TOX: variants seen among roughly 807,000 people sequenced by gnomAD.
The protein encoded by TOX is thymocyte selection associated high mobility group box.
Under a neutral mutation model 53.7 loss-of-function variants are expected in TOX, and 11 were observed. The observed-to-expected ratio is 0.20, with a 90% CI of 0.13 to 0.34. The LOEUF (loss-of-function observed/expected upper bound fraction) is 0.34, where lower values mean the gene tolerates loss of function less well. TOX is among the 10% of genes least tolerant of loss of function. TOX has a pLI of 1.00. For synonymous variants in TOX, 225 were observed against 245.3 expected, an observed-to-expected ratio of 0.92 and a Z score of 0.77; for missense variants, 570 against 664.6, an observed-to-expected ratio of 0.86 and a Z score of 1.56.
At chr8:58,939,590 G>C in intron 2 of TOX, 46 bp from the exon 3 acceptor site, 1 of 1,562,616 alleles carries the variant, frequency 6.4e-7, no homozygotes, top group South Asian at 1.2e-5. Context: ...TCATCTTCTT[G>C]CTCTTCATCA....
At chr8:58,966,045 T>G (rs1412545040) in intron 1 of TOX, among the ~76,000 whole-genome samples, 2 of 152,056 alleles carry the variant, frequency 1.3e-5, no homozygotes, top group Non-Finnish European at 2.9e-5. Flanking sequence ...GCTGTTCACA[T>G]GCACAGTCAC....
At chr8:59,080,877 T>G (rs1332626189) in intron 1 of TOX, among the ~76,000 whole-genome samples, 2 of 152,184 alleles carry the variant, frequency 1.3e-5, no homozygotes, top group Non-Finnish European at 2.9e-5. Flanking sequence ...TCTTATAAAT[T>G]ACCCAGTCTC....
At chr8:59,021,481 A>AAAAAAAATATAT (rs59174995) in intron 1 of TOX, among the ~76,000 whole-genome samples, 2 of 64,740 alleles carry the variant, frequency 3.1e-5, no homozygotes, top group Non-Finnish European at 3.1e-5. Flanking sequence ...AAAAAAAAAA[A>AAAAAAAATATAT]ATATATATAT....
intron 1 of TOX, among the ~76,000 whole-genome samples, chr8:59,024,949 A>G (rs530770800): frequency 6.6e-5 from 10 of 152,200 alleles, no homozygotes; most frequent in Non-Finnish European, 1.2e-4. Context: ...AGTGTTTTTA[A>G]ATATCAACTA....
intron 1 of TOX, among the ~76,000 whole-genome samples, chr8:59,066,288 C>T (rs955538251): frequency 6.6e-6 from 1 of 152,174 alleles, no homozygotes; most frequent in Non-Finnish European, 1.5e-5. Context: ...AAAGGCTTGA[C>T]AAGTAGGAAG....
rs1023078814 is a variant in TOX, at chr8:59,003,825, T to A, written c.103-43817A>T. On this transcript the variant is annotated intron_variant, in intron 1 of 8. Transcript: ENST00000361421. ...TCTGGGATGAAATGCAAACATTTTT[T>A]AATTTGTTTAAGCACAAACATGGTC... Among the ~76,000 whole-genome samples, 8 of 152,236 alleles carry A rather than the reference T, an allele frequency of 5.3e-5. 1 individual carries two copies. Among genetic ancestry groups the A allele is most frequent in the Admixed American group, 3.9e-4 (6 of 15,288 alleles).
intron 3 of TOX, among the ~76,000 whole-genome samples, chr8:58,865,102 G>A (rs1811074568): frequency 6.6e-6 from 1 of 152,128 alleles, no homozygotes; most frequent in Admixed American, 6.5e-5. Context: ...GAAGGTGGTG[G>A]ATGGGTGAGA....
rs552387097 is a variant in TOX, at chr8:59,054,977, G to A, written c.102+63909C>T. On this transcript the variant is annotated intron_variant, in intron 1 of 8. Coordinates refer to ENST00000361421, the MANE Select transcript of TOX (RefSeq NM_014729.3). ...AGGAGGGAGGGAGGAAGGAAGGGAC[G>A]GAGGGAGGGAGGGAGGGAAAGGAAA... Among the ~76,000 whole-genome samples, 20 of 128,698 alleles carry A rather than the reference G, an allele frequency of 1.6e-4. No individual in the cohort carries two copies. In the East Asian group the frequency reaches 2.6e-3, roughly 17 times the overall value. 84.4% of individuals were successfully genotyped at this position (128,698 alleles called of 152,430 possible).
intron 7 of TOX, among the ~76,000 whole-genome samples, chr8:58,810,629 A>G (rs772879730): frequency 3.9e-5 from 6 of 152,148 alleles, no homozygotes; most frequent in Non-Finnish European, 7.4e-5. Context: ...CTGGGATTAC[A>G]CGAGTGAGCT....
In TOX at chr8:59,035,177, T is replaced by A. The variant is rs114753627; in HGVS notation, c.103-75169A>T. Among the ~76,000 whole-genome samples the A allele has an allele frequency of 3.6e-3, 554 of 152,296 alleles. 6 individuals carry two copies. The highest frequency in any genetic ancestry group is 0.013 in the African/African-American group (531 of 41,550). ...TACTCTGGTACTAAATTTGTCTAAC[T>A]AGATTTCAGCTGGAAAAAATACTAA... On this transcript the variant is annotated intron_variant, in intron 1 of 8. Coordinates refer to ENST00000361421, the MANE Select transcript of TOX (RefSeq NM_014729.3).
intron 2 of TOX, among the ~76,000 whole-genome samples, chr8:58,947,167 C>T (rs1812536769): frequency 6.6e-6 from 1 of 152,006 alleles, no homozygotes; most frequent in Non-Finnish European, 1.5e-5. Flanking sequence ...TTATTCTTCT[C>T]TAAAAACATT....
intron 1 of TOX, among the ~76,000 whole-genome samples, chr8:59,059,831 G>A (rs1803947875): frequency 6.6e-6 from 1 of 151,796 alleles, no homozygotes; most frequent in East Asian, 1.9e-4. Context: ...GAAAGGAGTA[G>A]TGAACATCTA....
At chr8:58,982,705 C>A (rs1490665631) in intron 1 of TOX, among the ~76,000 whole-genome samples, 1 of 152,220 alleles carries the variant, frequency 6.6e-6, no homozygotes, top group Non-Finnish European at 1.5e-5. Context: ...TAACTGATCT[C>A]TTCTATCCCC....
At chr8:59,046,807 C>G (rs147791431) in intron 1 of TOX, among the ~76,000 whole-genome samples, 1,471 of 126,282 alleles carry the variant, frequency 0.012, 28 homozygotes, top group African/African-American at 0.041. Context: ...TGCAGTAAGC[C>G]AAGATTGTGC....
At chr8:59,041,994 T>C (rs1473857520) in intron 1 of TOX, among the ~76,000 whole-genome samples, 1 of 152,226 alleles carries the variant, frequency 6.6e-6, no homozygotes, top group African/African-American at 2.4e-5. Flanking sequence ...TATTGCCAGA[T>C]CAAATGCAAC....
intron 1 of TOX, among the ~76,000 whole-genome samples, chr8:58,998,537 AT>A (rs1174284368): frequency 3.8e-5 from 2 of 51,990 alleles, no homozygotes; most frequent in African/African-American, 5.2e-5. Flanking sequence ...ATATATATAT[AT>A]AAATTTATAT....
At chr8:58,966,476 A>T (rs1400840849) in intron 1 of TOX, among the ~76,000 whole-genome samples, 1 of 152,048 alleles carries the variant, frequency 6.6e-6, no homozygotes, top group Non-Finnish European at 1.5e-5. Context: ...TCAACTACAG[A>T]TCTGAATGGT....
chr8:59,022,655 G>A (rs911038480), intron 1 of TOX, among the ~76,000 whole-genome samples: 5 of 152,008 alleles, frequency 3.3e-5, no homozygotes, highest in Admixed American at 6.6e-5. Flanking sequence ...TTCTTAAAAC[G>A]TAGCAACTGG....
intron 2 of TOX, among the ~76,000 whole-genome samples, chr8:58,944,412 C>G (rs976987475): frequency 6.6e-6 from 1 of 152,174 alleles, no homozygotes; most frequent in Non-Finnish European, 1.5e-5. Flanking sequence ...AAGTCATTTT[C>G]TTAAAACCTT....
Sources: gnomAD v4.1 joint callset for allele counts (sites outside exome capture counted in the v4.1 genomes callset) on GRCh38, gnomAD v4.1.1 for gene constraint, MANE v1.5 for transcripts, NCBI Gene and HGNC (gene_info 2026-07-23, HGNC 2026-07-21) for gene names.